Variants in SOBP observed in about 807,000 individuals in gnomAD.
The protein encoded by SOBP is sine oculis binding protein homolog, also known as sine oculis-binding protein homolog.
SOBP carries 4 observed loss-of-function variants against 53.6 expected under a neutral mutation model. The observed-to-expected ratio is 0.07, with a 90% confidence interval of 0.04 to 0.17. SOBP has a LOEUF of 0.17. SOBP is among the 10% of genes least tolerant of loss of function. The probability of loss-of-function intolerance (pLI) is 1.00; values close to 1 mark genes in which losing one functional copy is unlikely to be tolerated. For synonymous variants in SOBP, 584 were observed against 522.6 expected (o/e 1.12, Z -1.60); for missense variants, 1,088 against 1,204.7 (o/e 0.90, Z 1.43).
chr6:107,657,524 T>A (rs1255235364), intron 6 of SOBP, among the ~76,000 whole-genome samples: 4 of 152,220 alleles, frequency 2.6e-5, no homozygotes, highest in Admixed American at 2.6e-4. Flanking sequence ...GATAGGTATA[T>A]GTGTCCATGG....
intron 5 of SOBP, among the ~76,000 whole-genome samples, chr6:107,606,408 A>G (rs955654310): frequency 6.6e-6 from 1 of 151,896 alleles, no homozygotes. Context: ...CAGCTGACAG[A>G]ATGTCTTGCT....
Position 107,609,707 on chromosome 6 carries a change from A to G in SOBP, c.669+22532A>G, listed in dbSNP as rs147201365. Among the ~76,000 whole-genome samples the G allele has an allele frequency of 2.2e-3, 340 of 152,236 alleles. 2 individuals carry two copies. The highest frequency in any genetic ancestry group is 8.0e-3 in the African/African-American group (333 of 41,522). On this transcript the variant is annotated intron_variant, in intron 5 of 6. Transcript: ENST00000317357. ...CTTGTTGCCTAGCTCCGTTATGCATAAGGAGTCCTAAATATTAGGAAGAGG... is the reference window on the plus strand; with the variant it reads ...CTTGTTGCCTAGCTCCGTTATGCATGAGGAGTCCTAAATATTAGGAAGAGG...
intron 4 of SOBP, among the ~76,000 whole-genome samples, chr6:107,578,189 AC>A (rs1254263545): frequency 2.0e-5 from 3 of 151,866 alleles, no homozygotes; most frequent in Non-Finnish European, 4.4e-5. Context: ...GCTGCAGGGA[AC>A]CCTTTTCTTG....
intron 3 of SOBP, 148 bp downstream of exon 3, chr6:107,506,575 T>C (rs1583152111): frequency 1.2e-5 from 10 of 836,436 alleles, no homozygotes; most frequent in Non-Finnish European, 1.9e-5. Context: ...AGGCATCACT[T>C]AGAGTATTAC....
At chr6:107,616,335 C>T (rs1057262579) in intron 5 of SOBP, among the ~76,000 whole-genome samples, 3 of 152,164 alleles carry the variant, frequency 2.0e-5, no homozygotes, top group African/African-American at 7.2e-5. Context: ...ATGCACGGAC[C>T]CAGGCTCCCT....
chr6:107,533,378 C>A, intron 3 of SOBP, 81 bp from the exon 4 acceptor site: 1 of 1,475,194 alleles, frequency 6.8e-7, no homozygotes, highest in Non-Finnish European at 9.4e-7. Flanking sequence ...GCCCAGGTAG[C>A]TCTGTCAGGT....
intron 1 of SOBP, among the ~76,000 whole-genome samples, chr6:107,502,198 G>T (rs1408914201): frequency 2.0e-5 from 3 of 152,186 alleles, no homozygotes; most frequent in Non-Finnish European, 4.4e-5. Flanking sequence ...GAACTCACAC[G>T]TTGAGATTGT....
rs187161799 is a variant in SOBP at position 107,537,331 on chromosome 6, T to G, written c.573+3721T>G. 4.1e-3 allele frequency among the ~76,000 whole-genome samples: 626 copies of G among 152,340 alleles called. 2 individuals carry two copies. The highest frequency in any genetic ancestry group is 7.8e-3 in the Non-Finnish European group (528 of 68,024). ...ATGGGAAATATCTTATTGTCCAAAC[T>G]AATATCCAAAAATCAAGAAGGAAAT... On this transcript the variant is annotated intron_variant, in intron 4 of 6. Transcript: ENST00000317357.
At chr6:107,541,921 TA>T (rs893098241) in intron 4 of SOBP, among the ~76,000 whole-genome samples, 12 of 147,670 alleles carry the variant, frequency 8.1e-5, no homozygotes, top group East Asian at 6.0e-4. Flanking sequence ...TAGCCACACT[TA>T]AAAAAAAAAC....
intron 3 of SOBP, among the ~76,000 whole-genome samples, chr6:107,521,776 A>G (rs949397518): frequency 3.9e-5 from 6 of 152,176 alleles, no homozygotes; most frequent in Non-Finnish European, 8.8e-5. Context: ...CCAACACCCA[A>G]GGTGCACCTA....
chr6:107,615,793 C>G (rs1786762063), intron 5 of SOBP, among the ~76,000 whole-genome samples: 1 of 151,808 alleles, frequency 6.6e-6, no homozygotes, highest in Non-Finnish European at 1.5e-5. Context: ...TTTTGAAACT[C>G]TGGGTTAAAA....
At chr6:107,590,745 G>A (rs1261257784) in intron 5 of SOBP, among the ~76,000 whole-genome samples, 1 of 152,178 alleles carries the variant, frequency 6.6e-6, no homozygotes, top group Non-Finnish European at 1.5e-5. Flanking sequence ...GATCAGAAGT[G>A]ATGATGAGAA....
At chr6:107,541,229 ATATAGT>A (rs1274664733) in intron 4 of SOBP, among the ~76,000 whole-genome samples, 1 of 152,198 alleles carries the variant, frequency 6.6e-6, no homozygotes, top group Non-Finnish European at 1.5e-5. Context: ...ATAGAGGAAA[ATATAGT>A]TAGTAGATAT....
intron 4 of SOBP, chr6:107,557,845 T>C (rs1196658021): frequency 1.3e-5 from 2 of 152,234 alleles, no homozygotes; most frequent in Non-Finnish European, 2.9e-5. Flanking sequence ...AGGTTTATCC[T>C]TTGTCTGTGT....
intron 5 of SOBP, among the ~76,000 whole-genome samples, chr6:107,624,711 G>T (rs892925461): frequency 2.6e-5 from 4 of 152,152 alleles, no homozygotes; most frequent in Admixed American, 6.5e-5. Context: ...TCACTCTTTT[G>T]GCTGTGTAGA....
chr6:107,525,653 A>G (rs928614115), intron 3 of SOBP, among the ~76,000 whole-genome samples: 5 of 152,194 alleles, frequency 3.3e-5, no homozygotes, highest in Admixed American at 2.6e-4. Flanking sequence ...AATTGATTTC[A>G]TCTCATTCTT....
intron 3 of SOBP, among the ~76,000 whole-genome samples, chr6:107,510,926 TC>T (rs974372728): frequency 2.6e-5 from 4 of 152,180 alleles, no homozygotes; most frequent in African/African-American, 4.8e-5. Flanking sequence ...GTGTTAGTGT[TC>T]AAATTATTCC....
At chr6:107,627,527 A>AT (rs1282377483) in intron 5 of SOBP, among the ~76,000 whole-genome samples, 1 of 152,172 alleles carries the variant, frequency 6.6e-6, no homozygotes, top group Non-Finnish European at 1.5e-5. Context: ...TTCTAATGAG[A>AT]TTTTTTCACT....
intron 3 of SOBP, among the ~76,000 whole-genome samples, chr6:107,518,163 C>G (rs1288411721): frequency 2.6e-5 from 4 of 151,998 alleles, no homozygotes; most frequent in Non-Finnish European, 5.9e-5. Context: ...TAAAACAGCT[C>G]AATAGAAAAA....
Sources: gnomAD v4.1 joint callset for allele counts (sites outside exome capture counted in the v4.1 genomes callset) on GRCh38, gnomAD v4.1.1 for gene constraint, MANE v1.5 for transcripts, NCBI Gene and HGNC (gene_info 2026-07-23, HGNC 2026-07-21) for gene names.